ABCA1: variants seen among roughly 807,000 people sequenced by gnomAD.
ABCA1 encodes the protein ATP binding cassette subfamily A member 1.
In ABCA1, 133 loss-of-function variants were observed where a neutral mutation model predicts 262.5. That is an observed-to-expected ratio of 0.51 (90% CI 0.44 to 0.59). The LOEUF is 0.59. ABCA1 is among the 20% of genes least tolerant of loss of function. The pLI is 0.00. For missense variants in ABCA1, 2,452 were observed against 2,777.5 expected (o/e 0.88, Z 2.63); for synonymous variants, 1,022 against 1,043.5 (o/e 0.98, Z 0.40).
At chr9:104,838,281 C>A (rs1250377970) in intron 9 of ABCA1, among the ~76,000 whole-genome samples, 4 of 137,632 alleles carry the variant, frequency 2.9e-5, no homozygotes, top group African/African-American at 5.5e-5. Flanking sequence ...CTAGCCCGGG[C>A]AACAAGAGCG....
chr9:104,837,141 A>C, intron 10 of ABCA1, 45 bp from the exon 11 acceptor site: 1 of 1,484,686 alleles, frequency 6.7e-7, no homozygotes, highest in Non-Finnish European at 9.3e-7. Flanking sequence ...AAGGAGGAGA[A>C]GCACAGACAA....
At chr9:104,824,914 C>T (rs1313393067) in intron 17 of ABCA1, among the ~76,000 whole-genome samples, 1 of 152,154 alleles carries the variant, frequency 6.6e-6, no homozygotes, top group Non-Finnish European at 1.5e-5. Flanking sequence ...ATTGCATATT[C>T]AATGAAAGAA....
At chr9:104,898,884 T>C (rs1262970614) in intron 2 of ABCA1, among the ~76,000 whole-genome samples, 1 of 152,200 alleles carries the variant, frequency 6.6e-6, no homozygotes, top group Non-Finnish European at 1.5e-5. Context: ...CCTGCTAGTA[T>C]CTAACACCAG....
rs754345926 is a variant in ABCA1 at position 104,783,967 on chromosome 9, G to T, written c.*348C>A. 3 of 207,094 alleles carry T rather than the reference G, an allele frequency of 1.4e-5. No individual in the cohort carries two copies. The highest frequency in any genetic ancestry group is 1.9e-5 in the Non-Finnish European group (2 of 103,208). The allele number at this position is 207,094 out of a possible 1,614,324, so 12.8% of individuals were successfully genotyped here. ...CATGATTACTTGATGAATTATTGTT[G>T]CAACCCCAATGAGAATACACAGGAA... On this transcript the variant is annotated 3_prime_UTR_variant, in exon 50 of 50. Transcript: ENST00000374736.
At chr9:104,872,476 C>T (rs1030828045) in intron 5 of ABCA1, among the ~76,000 whole-genome samples, 3 of 152,198 alleles carry the variant, frequency 2.0e-5, no homozygotes, top group Non-Finnish European at 2.9e-5. Context: ...CCCGATTCAA[C>T]GTACAACTTT....
intron 10 of ABCA1, 29 bp downstream of exon 10, chr9:104,837,399 G>C: frequency 6.2e-7 from 1 of 1,613,814 alleles, no homozygotes; most frequent in Admixed American, 1.7e-5. Context: ...AGATTCTGGG[G>C]AGGGAGTCTT....
intron 37 of ABCA1, among the ~76,000 whole-genome samples, chr9:104,797,598 G>A (rs956401288): frequency 3.3e-5 from 5 of 152,176 alleles, no homozygotes; most frequent in Non-Finnish European, 4.4e-5. Context: ...ATACAGCATG[G>A]CCATACAAGG....
chr9:104,882,500 T>C (rs1057235840), intron 5 of ABCA1, among the ~76,000 whole-genome samples: 8 of 152,152 alleles, frequency 5.3e-5, no homozygotes, highest in African/African-American at 1.4e-4. Context: ...ACACAAGAAA[T>C]TGCCTGGATA....
rs2076731 is a variant in ABCA1 at position 104,817,470 on chromosome 9, G to A, written c.3463-66C>T. ...GCAAGGCAGAGCCACCAGCACCTTCGCCGGGGAGGGCTTCCAAGAAGCTCT... is the reference window on the plus strand; with the variant it reads ...GCAAGGCAGAGCCACCAGCACCTTCACCGGGGAGGGCTTCCAAGAAGCTCT... On this transcript the variant is annotated intron_variant, in intron 23 of 49. Transcript: ENST00000374736. The surrounding 1 kb of genome is among the most constrained non-coding windows in gnomAD (Gnocchi z 4.7). 3,382 of 1,534,450 alleles carry A rather than the reference G, an allele frequency of 2.2e-3. 60 individuals are homozygous for A. The South Asian group carries it at 0.028, about 13-fold the overall frequency.
At position 104,904,251 on chromosome 9, in the gene ABCA1, A is replaced by G. The variant is rs1840907477; in HGVS notation, c.-92-480T>C. On this transcript the variant is annotated intron_variant, in intron 1 of 49. Coordinates refer to ENST00000374736, the MANE Select transcript of ABCA1 (RefSeq NM_005502.4). ...CTTACATACTAATTTTCAGTGGGTT[A>G]TACAACTGAGTCCTTCAAATGATAA... is the stretch of plus-strand genomic sequence containing the variant. 2.0e-5 allele frequency among the ~76,000 whole-genome samples: 3 copies of G among 152,176 alleles called. No homozygotes were observed. The East Asian group carries it at 5.8e-4, about 29-fold the overall frequency.
chr9:104,799,261 T>C (rs1443253928), intron 36 of ABCA1, among the ~76,000 whole-genome samples: 2 of 152,122 alleles, frequency 1.3e-5, no homozygotes, highest in Admixed American at 1.3e-4. Flanking sequence ...TGCTGAGTGC[T>C]GGGCTTGGCA....
chr9:104,785,717 C>A (rs1828868430), intron 48 of ABCA1, 78 bp from the exon 49 acceptor site: 6 of 1,590,406 alleles, frequency 3.8e-6, no homozygotes, highest in Non-Finnish European at 5.1e-6. Context: ...GGGAACCCAA[C>A]TTGTGCCATG....
chr9:104,884,401 G>A, intron 4 of ABCA1, 26 bp downstream of exon 4: 1 of 1,614,062 alleles, frequency 6.2e-7, no homozygotes, highest in Non-Finnish European at 8.5e-7. Context: ...GACAAGTTTG[G>A]AAAGAAAACC....
At chr9:104,857,358 G>A (rs925724680) in intron 7 of ABCA1, among the ~76,000 whole-genome samples, 19 of 152,068 alleles carry the variant, frequency 1.2e-4, no homozygotes, top group African/African-American at 4.1e-4. Flanking sequence ...TCAGCCTCCC[G>A]AGTAGCTGGA....
chr9:104,827,150 T>C lies in ABCA1; in HGVS notation c.2135A>G (p.Tyr712Cys), dbSNP rs1832879007. ...VILKLGNLLP[Y>C]SDPSVVFVFL... Reference sequence around the variant, plus strand: ...GACAAACACCACGCTGGGATCACTGTAGGGCAGCAGGTTTCCTAACTGGGA... The same window carrying C: ...GACAAACACCACGCTGGGATCACTGCAGGGCAGCAGGTTTCCTAACTGGGA... The change falls in exon 16 of 50, where the codon TAC becomes TGC. Residue 712 changes from tyrosine (Y) to cysteine (C), a missense_variant. Physicochemically the swap from Tyr to Cys is radical, Grantham distance 194. This residue lies in a region of ABCA1 where 1,032 missense variants were observed against 1,089.7 expected (regional missense o/e 0.95). Transcript: ENST00000374736. 2 of 1,614,052 alleles carry C rather than the reference T, an allele frequency of 1.2e-6. No individual in the cohort carries two copies. Among genetic ancestry groups the C allele is most frequent in the East Asian group, 2.2e-5 (1 of 44,898 alleles).
chr9:104,857,530 C>A (rs1835950377), intron 7 of ABCA1, among the ~76,000 whole-genome samples: 1 of 152,088 alleles, frequency 6.6e-6, no homozygotes, highest in Non-Finnish European at 1.5e-5. Context: ...CCACACCTGG[C>A]CGATACAAAA....
Position 104,814,126 on chromosome 9 carries a change from A to C in ABCA1, c.3893T>G (p.Ile1298Arg), listed in dbSNP as rs770902759. 1 of 1,614,066 alleles carries C rather than the reference A, an allele frequency of 6.2e-7. No homozygotes were observed. Among genetic ancestry groups the C allele is most frequent in the Non-Finnish European group, 8.5e-7 (1 of 1,180,038 alleles). ...ATCTTGCCCTAACAGACCTGGGTCT[A>C]TGTCAGAATCATTTGGATCAGCAGC... is the stretch of plus-strand genomic sequence containing the variant. ...DDAADPNDSD[I>R]DPESRETDLL... Residue 1298 changes from isoleucine to arginine, a missense_variant, in exon 27 of 50, where the codon ATA becomes AGA. By Grantham distance (97) the Ile-to-Arg change is moderately conservative (BLOSUM62 -3). Coordinates refer to ENST00000374736, the MANE Select transcript of ABCA1 (RefSeq NM_005502.4).
In ABCA1 at chr9:104,785,515, G is replaced by T; in HGVS notation, c.6526C>A (p.Leu2176Ile). 3 of 1,562,012 alleles carry T rather than the reference G, an allele frequency of 1.9e-6. No homozygotes were observed. ...SVLKEKHRNM[L>I]QYQLPSSLSS... ...AATGAAGATGGAAGCTGGTATTGTA[G>T]CATGTTCCGGTGTTTCTCTTTTAGA... The change falls in exon 49 of 50, where the codon CTA (leucine) becomes ATA (isoleucine). Residue 2176 changes from leucine (L) to isoleucine (I), a missense_variant. Leu to Ile is a conservative substitution (Grantham distance 5). Transcript: ENST00000374736.
intron 1 of ABCA1, among the ~76,000 whole-genome samples, chr9:104,906,348 C>T (rs1318995820): frequency 3.3e-5 from 5 of 152,142 alleles, no homozygotes; most frequent in African/African-American, 7.2e-5. Flanking sequence ...CTCTACACAA[C>T]GTTCATGAGA....
Sources: gnomAD v4.1 joint callset for allele counts (sites outside exome capture counted in the v4.1 genomes callset) on GRCh38, gnomAD v4.1.1 for gene constraint, gnomAD v4.1.1 regional missense constraint, Gnocchi (gnomAD v3.1) non-coding constraint, MANE v1.5 for transcripts, NCBI Gene and HGNC (gene_info 2026-07-23, HGNC 2026-07-21) for gene names.